PITPNC1: variants seen among roughly 807,000 people sequenced by gnomAD.
PITPNC1 encodes cytoplasmic phosphatidylinositol transfer protein 1.
PITPNC1 carries 18 observed loss-of-function variants against 44.7 expected under a neutral mutation model. That is an observed-to-expected ratio of 0.40 (90% CI 0.28 to 0.60). The LOEUF is 0.60. Ranked by LOEUF, PITPNC1 falls within the 20% of genes least tolerant of loss-of-function variation. The pLI is 0.39. For missense variants in PITPNC1, 290 were observed against 418.4 expected (o/e 0.69, Z 2.68); for synonymous variants, 141 against 149.6 (o/e 0.94, Z 0.42).
At chr17:67,388,853 C>G (rs1406591350) in intron 1 of PITPNC1, among the ~76,000 whole-genome samples, 1 of 152,162 alleles carries the variant, frequency 6.6e-6, no homozygotes, top group Non-Finnish European at 1.5e-5. Context: ...CTCCTGACCT[C>G]CGGTGATCCA....
intron 8 of PITPNC1, among the ~76,000 whole-genome samples, chr17:67,689,656 A>G (rs1454010913): frequency 1.3e-5 from 2 of 152,204 alleles, no homozygotes; most frequent in African/African-American, 2.4e-5. Flanking sequence ...AGTCTTTTCA[A>G]TTGAGCAGGT....
At chr17:67,519,887 T>C (rs1311729512) in intron 1 of PITPNC1, among the ~76,000 whole-genome samples, 1 of 151,894 alleles carries the variant, frequency 6.6e-6, no homozygotes, top group East Asian at 1.9e-4. Flanking sequence ...AGCAAAGGAG[T>C]CCAGTGACCC....
chr17:67,557,341 A>G (rs2040852094), intron 4 of PITPNC1, among the ~76,000 whole-genome samples: 1 of 152,120 alleles, frequency 6.6e-6, no homozygotes. Context: ...CAGCTTCAAC[A>G]TAGGAATTTG....
In PITPNC1 at chr17:67,632,184, C is replaced by T. The variant is rs1293647063; in HGVS notation, c.408C>T (p.Cys136=). The T allele has an allele frequency of 1.2e-6, 2 of 1,613,114 alleles. No homozygotes were observed. Among genetic ancestry groups the T allele is most frequent in the Admixed American group, 1.7e-5 (1 of 59,962 alleles). The part of the protein sequence containing the change: ...NEAKDVEREV[C]FIDIACDEIP... ...CCAAAGACGTGGAGAGAGAAGTTTG[C>T]TTTATTGATATTGCCTGCGATGAAA... The change falls in exon 6 of 9, where the codon TGC becomes TGT. Residue 136 remains cysteine, a synonymous_variant. Coordinates refer to ENST00000581322, the MANE Select transcript of PITPNC1 (RefSeq NM_012417.4).
At chr17:67,445,274 A>G (rs1024149701) in intron 1 of PITPNC1, among the ~76,000 whole-genome samples, 1 of 152,032 alleles carries the variant, frequency 6.6e-6, no homozygotes, top group Non-Finnish European at 1.5e-5. Flanking sequence ...TCTAGACGTT[A>G]GGCAGATAAG....
intron 1 of PITPNC1, among the ~76,000 whole-genome samples, chr17:67,383,798 G>C (rs1567969487): frequency 2.0e-5 from 3 of 152,176 alleles, no homozygotes; most frequent in Admixed American, 1.3e-4. Flanking sequence ...CAGCACTTTG[G>C]GAGGCTGAGG....
intron 1 of PITPNC1, among the ~76,000 whole-genome samples, chr17:67,503,360 C>T (rs1416278970): frequency 6.6e-6 from 1 of 151,978 alleles, no homozygotes; most frequent in South Asian, 2.1e-4. Flanking sequence ...AATGAGATGA[C>T]TAAAGCTTAA....
intron 4 of PITPNC1, among the ~76,000 whole-genome samples, chr17:67,563,694 A>G (rs1358059357): frequency 6.6e-6 from 1 of 152,194 alleles, no homozygotes; most frequent in Non-Finnish European, 1.5e-5. Context: ...GAACTGTAAT[A>G]TCTCTCAGCT....
chr17:67,514,952 A>C (rs1268724511), intron 1 of PITPNC1, among the ~76,000 whole-genome samples: 1 of 152,130 alleles, frequency 6.6e-6, no homozygotes, highest in African/African-American at 2.4e-5. Flanking sequence ...ACACTTCAAA[A>C]CCTATGTTAT....
intron 6 of PITPNC1, among the ~76,000 whole-genome samples, chr17:67,652,790 C>A (rs902179203): frequency 2.0e-5 from 3 of 152,160 alleles, no homozygotes; most frequent in Non-Finnish European, 2.9e-5. Flanking sequence ...GGAAGAGTGA[C>A]CGCGGAACCT....
intron 1 of PITPNC1, among the ~76,000 whole-genome samples, chr17:67,405,736 G>C (rs1445443133): frequency 6.6e-6 from 1 of 151,834 alleles, no homozygotes; most frequent in East Asian, 1.9e-4. Context: ...CTCCCGAGTA[G>C]CTGGGATTAC....
chr17:67,396,333 T>C (rs1383924688), intron 1 of PITPNC1, among the ~76,000 whole-genome samples: 1 of 152,216 alleles, frequency 6.6e-6, no homozygotes, highest in Admixed American at 6.5e-5. Flanking sequence ...ATTTAGGTTA[T>C]GTTTGTCAGA....
intron 1 of PITPNC1, among the ~76,000 whole-genome samples, chr17:67,388,099 C>T (rs893761861): frequency 4.6e-5 from 7 of 152,128 alleles, no homozygotes; most frequent in African/African-American, 1.2e-4. Context: ...AACCCTGATC[C>T]TCTATGTCCT....
intron 1 of PITPNC1, among the ~76,000 whole-genome samples, chr17:67,416,897 C>G (rs1283579281): frequency 6.6e-6 from 1 of 151,404 alleles, no homozygotes; most frequent in Non-Finnish European, 1.5e-5. Flanking sequence ...ACCGCAACCT[C>G]TGCCTCCCAG....
chr17:67,428,028 C>G (rs189971684), intron 1 of PITPNC1, among the ~76,000 whole-genome samples: 2 of 152,012 alleles, frequency 1.3e-5, no homozygotes, highest in Non-Finnish European at 2.9e-5. Flanking sequence ...GTGTTGCCCA[C>G]GCTAGAGTGC....
intron 1 of PITPNC1, among the ~76,000 whole-genome samples, chr17:67,430,168 T>C (rs2038834481): frequency 6.6e-6 from 1 of 152,224 alleles, no homozygotes; most frequent in African/African-American, 2.4e-5. Context: ...GGTAACGTCT[T>C]TTCTCTGGAT....
chr17:67,687,086 C>A, intron 8 of PITPNC1: 1 of 1,607,608 alleles, frequency 6.2e-7, no homozygotes. Flanking sequence ...GGATGATGTT[C>A]GGGAATACGA....
chr17:67,655,559 A>AAAAC (rs1491176891), intron 6 of PITPNC1, among the ~76,000 whole-genome samples: 14 of 45,472 alleles, frequency 3.1e-4, no homozygotes, highest in African/African-American at 2.1e-3. Flanking sequence ...GACTCATCTC[A>AAAAC]AAAAAAAAAA....
intron 1 of PITPNC1, among the ~76,000 whole-genome samples, chr17:67,481,895 T>A (rs898651471): frequency 2.0e-5 from 3 of 152,026 alleles, no homozygotes; most frequent in African/African-American, 7.2e-5. Context: ...CCAGAGAGTG[T>A]TCAGATAAGT....
Sources: allele counts gnomAD v4.1 joint callset (sites outside exome capture counted in the v4.1 genomes callset), GRCh38; gene constraint gnomAD v4.1.1; transcripts MANE v1.5; gene names NCBI Gene and HGNC (gene_info 2026-07-23, HGNC 2026-07-21).